Variants in CHST12 observed in about 807,000 individuals in gnomAD.
CHST12 encodes carbohydrate sulfotransferase 12.
In CHST12, 23 loss-of-function variants were observed where a neutral mutation model predicts 27.9. The observed-to-expected ratio is 0.82, with a 90% CI of 0.59 to 1.17. The LOEUF is 1.17. CHST12 is among the 50% of genes most tolerant of loss of function. The pLI is 0.00. For missense variants in CHST12, 682 were observed against 603.0 expected, an observed-to-expected ratio of 1.13 and a Z score of -1.37; for synonymous variants, 322 against 273.0, an observed-to-expected ratio of 1.18 and a Z score of -1.77.
At chr7:2,415,671 G>C (rs890744424) in intron 1 of CHST12, among the ~76,000 whole-genome samples, 3 of 150,182 alleles carry the variant, frequency 2.0e-5, no homozygotes, top group Non-Finnish European at 3.0e-5. Flanking sequence ...GGAGTGCAGT[G>C]GCACGATCTT....
Position 2,434,106 on chromosome 7 carries a change from C to CCGCCCGCCCGCCCGCCCGCT in CHST12, c.*227_*228insGCCCGCCCGCCCGCTCGCCC. ...GTAAAATATCCCCTCTCCCCTCCGC[C>CCGCCCGCCCGCCCGCCCGCT]CGCCCACCCGCCCGCCCGCTCGCCC... On this transcript the variant is annotated 3_prime_UTR_variant, in exon 2 of 2. Transcript: ENST00000618655. 5.3e-6 allele frequency: 2 copies of CCGCCCGCCCGCCCGCCCGCT among 379,686 alleles called. No individual in the cohort carries two copies. Among genetic ancestry groups the CCGCCCGCCCGCCCGCCCGCT allele is most frequent in the Non-Finnish European group, 9.4e-6 (2 of 213,630 alleles). The allele number at this position is 379,686 out of a possible 1,614,324, so 23.5% of individuals were successfully genotyped here.
At chr7:2,429,941 C>T (rs543355592) in intron 1 of CHST12, among the ~76,000 whole-genome samples, 2 of 152,142 alleles carry the variant, frequency 1.3e-5, no homozygotes, top group East Asian at 3.9e-4. Context: ...TGCCACCATG[C>T]ACGGCAGATT....
chr7:2,403,890 C>T (rs1781450482), intron 1 of CHST12, among the ~76,000 whole-genome samples: 1 of 152,112 alleles, frequency 6.6e-6, no homozygotes, highest in Non-Finnish European at 1.5e-5. Flanking sequence ...CTCTGAGCCC[C>T]GCTCGTCGTC....
At chr7:2,413,234 C>T (rs764604732) in intron 1 of CHST12, among the ~76,000 whole-genome samples, 2 of 152,180 alleles carry the variant, frequency 1.3e-5, no homozygotes, top group Non-Finnish European at 2.9e-5. Flanking sequence ...CCAGTCCCTC[C>T]GTGTCTGTGC....
At chr7:2,407,552 T>G (rs1182485636) in intron 1 of CHST12, among the ~76,000 whole-genome samples, 1 of 152,178 alleles carries the variant, frequency 6.6e-6, no homozygotes, top group Non-Finnish European at 1.5e-5. Context: ...ACTTTCTGGG[T>G]TAAAGAGGCT....
rs776664267 is a variant in CHST12, at chr7:2,433,203, C to T, written c.564C>T (p.Ser188=). ...WKRVMIVLSG[S]LLHRGAPYRD... is the part of the protein sequence containing the mutation. Reference sequence around the variant, plus strand: ...GCGTGATGATCGTGCTGAGCGGAAGCCTGCTGCACCGCGGTGCGCCCTACC... The same window carrying T: ...GCGTGATGATCGTGCTGAGCGGAAGTCTGCTGCACCGCGGTGCGCCCTACC... The change falls in exon 2 of 2, where the codon AGC becomes AGT. Residue 188 remains serine (S), a synonymous_variant. Coordinates refer to ENST00000618655, the MANE Select transcript of CHST12 (RefSeq NM_018641.5). This position sits in a 1 kb window ranked among gnomAD's most constrained non-coding sequence, Gnocchi z 6.1. 1.9e-6 allele frequency: 3 copies of T among 1,612,738 alleles called. No individual in the cohort carries two copies. In the Admixed American group the frequency reaches 5.0e-5, roughly 27 times the overall value.
chr7:2,410,979 C>T (rs985893955), intron 1 of CHST12, among the ~76,000 whole-genome samples: 1 of 151,974 alleles, frequency 6.6e-6, no homozygotes, highest in African/African-American at 2.4e-5. Context: ...CAGGTGAGAG[C>T]TGATGGTGAT....
intron 1 of CHST12, among the ~76,000 whole-genome samples, chr7:2,431,860 G>A (rs1191871425): frequency 6.6e-6 from 1 of 152,110 alleles, no homozygotes; most frequent in Non-Finnish European, 1.5e-5. Context: ...TCACTGTGAA[G>A]TTAAGGAATG....
At chr7:2,431,301 G>A (rs555900438) in intron 1 of CHST12, among the ~76,000 whole-genome samples, 1 of 152,320 alleles carries the variant, frequency 6.6e-6, no homozygotes, top group East Asian at 1.9e-4. Context: ...TATTAAGATA[G>A]CCACTCCTGC....
intron 1 of CHST12, among the ~76,000 whole-genome samples, chr7:2,430,014 C>T (rs1212585211): frequency 6.6e-6 from 1 of 152,068 alleles, no homozygotes; most frequent in Admixed American, 6.6e-5. Flanking sequence ...GACTCTAGGG[C>T]TCAAGAGACC....
intron 1 of CHST12, among the ~76,000 whole-genome samples, chr7:2,431,818 G>C (rs1421149021): frequency 6.6e-6 from 1 of 152,048 alleles, no homozygotes; most frequent in Non-Finnish European, 1.5e-5. Flanking sequence ...AAGTAGAGTG[G>C]GTGTTGCCAA....
At chr7:2,419,998 G>T (rs1160114439) in intron 1 of CHST12, among the ~76,000 whole-genome samples, 1 of 112,718 alleles carries the variant, frequency 8.9e-6, no homozygotes, top group Admixed American at 1.2e-4. Context: ...TTTTGAGATG[G>T]AGTCTCGCTC....
chr7:2,404,070 T>C (rs1781455864), intron 1 of CHST12: 1 of 150,938 alleles, frequency 6.6e-6, no homozygotes, highest in African/African-American at 2.5e-5. Flanking sequence ...CCGGCAGGGG[T>C]AGGACCAATT....
rs1210567733 is a variant in CHST12 at position 2,432,137 on chromosome 7, A to T, written c.-77-426A>T. 7.8e-5 allele frequency among the ~76,000 whole-genome samples: 10 copies of T among 127,718 alleles called. No individual in the cohort carries two copies. In the East Asian group the frequency reaches 1.7e-3, roughly 21 times the overall value. The allele number at this position is 127,718 out of a possible 152,430, so 83.8% of individuals were successfully genotyped here. On this transcript the variant is annotated intron_variant, in intron 1 of 1. Coordinates refer to ENST00000618655, the MANE Select transcript of CHST12 (RefSeq NM_018641.5). Reference sequence around the variant, plus strand: ...AGCCTGGGCGACAGAGCGAGACTCCATATCAAAAAAAAAAAAAAAAAAAAA... The same window carrying T: ...AGCCTGGGCGACAGAGCGAGACTCCTTATCAAAAAAAAAAAAAAAAAAAAA...
intron 1 of CHST12, among the ~76,000 whole-genome samples, chr7:2,417,388 T>C (rs1174106430): frequency 7.9e-6 from 1 of 126,474 alleles, no homozygotes; most frequent in Non-Finnish European, 1.6e-5. Flanking sequence ...CATGTCTGAC[T>C]TTTTTTTTTT....
At position 2,433,973 on chromosome 7, in the gene CHST12, C is replaced by G; in HGVS notation, c.*89C>G. On this transcript the variant is annotated 3_prime_UTR_variant, in exon 2 of 2. Transcript: ENST00000618655. This position sits in a 1 kb window ranked among gnomAD's most constrained non-coding sequence, Gnocchi z 6.1. ...ATGACCTACGATTTTGCAATCTGGG[C>G]TTCTTGTTCACTCCACTGCCTCTAT... 2 of 1,122,820 alleles carry G rather than the reference C, an allele frequency of 1.8e-6. No individual in the cohort carries two copies. The highest frequency in any genetic ancestry group is 2.6e-6 in the Non-Finnish European group (2 of 778,304). The allele number at this position is 1,122,820 out of a possible 1,614,324, so 69.6% of individuals were successfully genotyped here.
At chr7:2,429,801 CAG>C (rs1345628351) in intron 1 of CHST12, among the ~76,000 whole-genome samples, 1 of 151,934 alleles carries the variant, frequency 6.6e-6, no homozygotes, top group East Asian at 1.9e-4. Context: ...TCTTTTGAGA[CAG>C]GGTCTTGGTC....
rs1782602489 is a variant in CHST12, at chr7:2,441,429, A to G, written c.*7545A>G. ...AGAATATGGCTGCAGGGGGCAGCTT[A>G]TGCCTGTAATCCCACCATTTTGGGA... is the stretch of plus-strand genomic sequence containing the variant. On this transcript the variant is annotated 3_prime_UTR_variant, in exon 2 of 2. Coordinates refer to ENST00000618655, the MANE Select transcript of CHST12 (RefSeq NM_018641.5). 3 of 152,230 alleles carry G rather than the reference A, an allele frequency of 2.0e-5. No individual in the cohort carries two copies. Among genetic ancestry groups the G allele is most frequent in the Non-Finnish European group, 4.4e-5 (3 of 68,052 alleles). 9.4% of individuals were successfully genotyped at this position (152,230 alleles called of 1,614,324 possible). A position where few individuals can be genotyped will look rare whatever the true frequency, so the allele number is the denominator to read the frequency against.
intron 1 of CHST12, among the ~76,000 whole-genome samples, chr7:2,418,180 G>A (rs2115406472): frequency 6.6e-6 from 1 of 152,378 alleles, no homozygotes; most frequent in Non-Finnish European, 1.5e-5. Flanking sequence ...GGGCTGCAGA[G>A]TCTGCCCCTG....
Sources: allele counts gnomAD v4.1 joint callset (sites outside exome capture counted in the v4.1 genomes callset), GRCh38; gene constraint gnomAD v4.1.1; non-coding constraint Gnocchi (gnomAD v3.1); transcripts MANE v1.5; gene names NCBI Gene and HGNC (gene_info 2026-07-23, HGNC 2026-07-21).